PLEKHA5: variants seen among roughly 807,000 people sequenced by gnomAD.
PLEKHA5 encodes the protein pleckstrin homology domain-containing family A member 5.
PLEKHA5 carries 55 observed loss-of-function variants against 181.9 expected under a neutral mutation model. The ratio of observed to expected loss-of-function variants is 0.30; its 90% CI spans 0.24 to 0.38. PLEKHA5 has a LOEUF of 0.38. Ranked by LOEUF, PLEKHA5 falls within the 10% of genes least tolerant of loss-of-function variation. PLEKHA5 has a pLI of 1.00. For missense variants in PLEKHA5, 1,432 were observed against 1,549.5 expected (o/e 0.92, Z 1.27); for synonymous variants, 535 against 529.4 (o/e 1.01, Z -0.15).
At chr12:19,133,744 G>A (rs916011916) in intron 3 of PLEKHA5, among the ~76,000 whole-genome samples, 1 of 151,866 alleles carries the variant, frequency 6.6e-6, no homozygotes, top group Admixed American at 6.6e-5. Context: ...TTCATGGTAT[G>A]GTCTTTCTGT....
intron 15 of PLEKHA5, among the ~76,000 whole-genome samples, chr12:19,294,437 G>C (rs1195854829): frequency 6.6e-6 from 1 of 152,022 alleles, no homozygotes; most frequent in Non-Finnish European, 1.5e-5. Context: ...AAATTTGAGA[G>C]TAAATTATAA....
intron 3 of PLEKHA5, chr12:19,153,403 C>T (rs988298332): frequency 6.6e-6 from 1 of 152,070 alleles, no homozygotes; most frequent in African/African-American, 2.4e-5. Flanking sequence ...ATCAACCCAA[C>T]TTGGTCATGA....
At chr12:19,189,108 G>T (rs1033217630) in intron 3 of PLEKHA5, among the ~76,000 whole-genome samples, 1 of 152,156 alleles carries the variant, frequency 6.6e-6, no homozygotes, top group Admixed American at 6.5e-5. Context: ...AATCTTCTAG[G>T]CTGAAGACAC....
intron 3 of PLEKHA5, among the ~76,000 whole-genome samples, chr12:19,183,507 C>T (rs975914848): frequency 1.3e-5 from 2 of 151,992 alleles, no homozygotes; most frequent in East Asian, 1.9e-4. Context: ...TCACAGAAAC[C>T]GATAATAATG....
chr12:19,131,540 C>T (rs1387716534), intron 2 of PLEKHA5, among the ~76,000 whole-genome samples: 1 of 152,008 alleles, frequency 6.6e-6, no homozygotes, highest in Non-Finnish European at 1.5e-5. Flanking sequence ...TCATGAAAGA[C>T]GATATGACAT....
chr12:19,218,911 T>A (rs28524576), intron 3 of PLEKHA5, among the ~76,000 whole-genome samples: 3 of 135,396 alleles, frequency 2.2e-5, no homozygotes, highest in African/African-American at 5.0e-5. Context: ...TTATTATTTT[T>A]TTTTTTACTT....
intron 6 of PLEKHA5, among the ~76,000 whole-genome samples, chr12:19,260,614 C>T (rs965495092): frequency 2.6e-5 from 4 of 152,006 alleles, no homozygotes; most frequent in South Asian, 2.1e-4. Context: ...CCCAGCACTT[C>T]GGAAGGCCAA....
At chr12:19,256,493 G>A (rs986693636) in intron 5 of PLEKHA5, among the ~76,000 whole-genome samples, 1 of 152,166 alleles carries the variant, frequency 6.6e-6, no homozygotes, top group African/African-American at 2.4e-5. Context: ...CCAAGAGTGA[G>A]TAGATTGATC....
chr12:19,235,843 G>C (rs902662912), intron 3 of PLEKHA5, among the ~76,000 whole-genome samples: 1 of 152,176 alleles, frequency 6.6e-6, no homozygotes, highest in African/African-American at 2.4e-5. Flanking sequence ...ATAATTGTCA[G>C]TATTCAATAT....
intron 3 of PLEKHA5, among the ~76,000 whole-genome samples, chr12:19,204,281 C>T (rs945327855): frequency 1.3e-5 from 2 of 151,936 alleles, no homozygotes; most frequent in Admixed American, 6.6e-5. Flanking sequence ...ATGGGTCAGC[C>T]CCACTCTGTC....
At chr12:19,206,759 G>A (rs905348837) in intron 3 of PLEKHA5, among the ~76,000 whole-genome samples, 1 of 152,074 alleles carries the variant, frequency 6.6e-6, no homozygotes, top group Non-Finnish European at 1.5e-5. Flanking sequence ...TGAAAAGGGA[G>A]GGTTAGCGTT....
chr12:19,350,344 G>T (rs1370297249), intron 25 of PLEKHA5, among the ~76,000 whole-genome samples: 3 of 152,210 alleles, frequency 2.0e-5, no homozygotes, highest in Non-Finnish European at 4.4e-5. Flanking sequence ...GAAAGAATGT[G>T]TATGTATTTA....
intron 23 of PLEKHA5, 73 bp from the exon 24 acceptor site, chr12:19,346,921 C>T: frequency 1.1e-6 from 1 of 928,872 alleles, no homozygotes; most frequent in African/African-American, 1.7e-5. Flanking sequence ...AGTTAATATA[C>T]CATTGCAAAG....
At chr12:19,169,263 T>TAAAA (rs113327862) in intron 3 of PLEKHA5, among the ~76,000 whole-genome samples, 1 of 139,430 alleles carries the variant, frequency 7.2e-6, no homozygotes, top group Admixed American at 7.2e-5. Flanking sequence ...GTTGTCAAGT[T>TAAAA]AAAAAAAAAA....
At chr12:19,306,137 A>G (rs1270541024) in intron 15 of PLEKHA5, among the ~76,000 whole-genome samples, 1 of 152,150 alleles carries the variant, frequency 6.6e-6, no homozygotes, top group Admixed American at 6.5e-5. Context: ...TGAAGAGGCC[A>G]GGATTAAGTA....
intron 3 of PLEKHA5, among the ~76,000 whole-genome samples, chr12:19,229,478 C>G (rs2060149374): frequency 1.3e-5 from 2 of 151,992 alleles, no homozygotes; most frequent in Admixed American, 1.3e-4. Context: ...TGTTACAGCT[C>G]TTAAGGTGGC....
At chr12:19,354,664 A>G (rs945204295) in intron 26 of PLEKHA5, among the ~76,000 whole-genome samples, 12 of 150,032 alleles carry the variant, frequency 8.0e-5, no homozygotes, top group African/African-American at 2.9e-4. Context: ...TTGTATTTTT[A>G]TTAGAGACAG....
At chr12:19,164,551 G>A (rs1486965973) in intron 3 of PLEKHA5, among the ~76,000 whole-genome samples, 1 of 152,058 alleles carries the variant, frequency 6.6e-6, no homozygotes, top group Non-Finnish European at 1.5e-5. Flanking sequence ...ATGTGGCTAT[G>A]ATGTTAATCT....
Position 19,291,714 on chromosome 12 carries a change from T to G in PLEKHA5, c.2037+17T>G. ...GATCATCAGGTGGGATTCATAGAGATTTTCTTACTTTTAATACTTAATAGA... is the reference window on the plus strand; with the variant it reads ...GATCATCAGGTGGGATTCATAGAGAGTTTCTTACTTTTAATACTTAATAGA... On this transcript the variant is annotated intron_variant, in intron 15 of 31. Coordinates refer to ENST00000429027, the MANE Select transcript of PLEKHA5 (RefSeq NM_001256470.2). The G allele has an allele frequency of 5.8e-6, 8 of 1,375,042 alleles. No individual in the cohort carries two copies. Among genetic ancestry groups the G allele is most frequent in the Non-Finnish European group, 7.9e-6 (8 of 1,007,358 alleles). 85.2% of individuals were successfully genotyped at this position (1,375,042 alleles called of 1,614,324 possible).
Sources: allele counts gnomAD v4.1 joint callset (sites outside exome capture counted in the v4.1 genomes callset), GRCh38; gene constraint gnomAD v4.1.1; transcripts MANE v1.5; gene names NCBI Gene and HGNC (gene_info 2026-07-23, HGNC 2026-07-21).